Variants in FBXL17 observed in about 807,000 individuals in gnomAD.
FBXL17 encodes the protein F-box/LRR-repeat protein 17.
A neutral mutation model predicts 66.2 loss-of-function variants in FBXL17; 22 were observed. The observed-to-expected ratio is 0.33, with a 90% CI of 0.24 to 0.47. FBXL17 has a LOEUF of 0.47. FBXL17 is among the 20% of genes least tolerant of loss of function. FBXL17 has a pLI of 1.00. For synonymous variants in FBXL17, 474 were observed against 400.5 expected (o/e 1.18, Z -2.19); for missense variants, 878 against 948.2 (o/e 0.93, Z 0.97).
chr5:108,088,207 T>C (rs1489022835), intron 6 of FBXL17, among the ~76,000 whole-genome samples: 3 of 152,206 alleles, frequency 2.0e-5, no homozygotes, highest in Non-Finnish European at 2.9e-5. Flanking sequence ...AACTAATATA[T>C]TTAAAGGTAT....
intron 6 of FBXL17, among the ~76,000 whole-genome samples, chr5:108,132,151 T>C (rs1055512018): frequency 6.6e-6 from 1 of 152,100 alleles, no homozygotes; most frequent in Admixed American, 6.5e-5. Context: ...TAATTTTGTA[T>C]TTTTAGTAGA....
At chr5:108,058,188 T>C (rs943727799) in intron 6 of FBXL17, among the ~76,000 whole-genome samples, 1 of 152,246 alleles carries the variant, frequency 6.6e-6, no homozygotes, top group African/African-American at 2.4e-5. Flanking sequence ...CAGTTTGTTT[T>C]ACCATTTGAC....
chr5:107,923,300 TAC>T (rs1750384856), intron 7 of FBXL17, among the ~76,000 whole-genome samples: 2 of 152,304 alleles, frequency 1.3e-5, no homozygotes, highest in South Asian at 4.1e-4. Flanking sequence ...TTGCCTCCAA[TAC>T]ACTCTGCCTG....
At chr5:108,206,397 C>A (rs1219303059) in intron 5 of FBXL17, among the ~76,000 whole-genome samples, 2 of 151,990 alleles carry the variant, frequency 1.3e-5, no homozygotes, top group East Asian at 3.9e-4. Context: ...ACTGACATAC[C>A]AAAGACTGCA....
At chr5:108,344,375 T>C (rs1001455221) in intron 4 of FBXL17, among the ~76,000 whole-genome samples, 1 of 152,192 alleles carries the variant, frequency 6.6e-6, no homozygotes, top group Non-Finnish European at 1.5e-5. Flanking sequence ...GGAAATCAAC[T>C]TTCCATTTCC....
At chr5:108,225,953 T>G (rs575384534) in intron 4 of FBXL17, among the ~76,000 whole-genome samples, 1 of 152,296 alleles carries the variant, frequency 6.6e-6, no homozygotes, top group South Asian at 2.1e-4. Flanking sequence ...TCTTGGTCAC[T>G]TGGTTGAGTC....
chr5:108,097,236 C>G (rs1410998953), intron 6 of FBXL17, among the ~76,000 whole-genome samples: 1 of 152,192 alleles, frequency 6.6e-6, no homozygotes, highest in Non-Finnish European at 1.5e-5. Flanking sequence ...TCACCCTCCC[C>G]ACGATTGTAA....
chr5:107,886,363 T>A (rs1328866668), intron 7 of FBXL17, among the ~76,000 whole-genome samples: 2 of 152,136 alleles, frequency 1.3e-5, no homozygotes, highest in Non-Finnish European at 2.9e-5. Context: ...TTAGTATACA[T>A]ACATCTATTT....
At chr5:108,195,465 A>G (rs1753642108) in intron 5 of FBXL17, among the ~76,000 whole-genome samples, 1 of 152,170 alleles carries the variant, frequency 6.6e-6, no homozygotes, top group Admixed American at 6.5e-5. Flanking sequence ...AATGGAATGA[A>G]GACTAGCAGG....
chr5:108,074,837 G>A (rs1226289283), intron 6 of FBXL17, among the ~76,000 whole-genome samples: 1 of 152,192 alleles, frequency 6.6e-6, no homozygotes, highest in Non-Finnish European at 1.5e-5. Flanking sequence ...TCACTGGTGA[G>A]AGCTGCAGTT....
At chr5:108,195,212 T>C (rs896535676) in intron 5 of FBXL17, among the ~76,000 whole-genome samples, 2 of 151,878 alleles carry the variant, frequency 1.3e-5, no homozygotes, top group African/African-American at 4.8e-5. Context: ...TTAAGTACTA[T>C]AGAGAAAAAT....
chr5:108,219,081 C>T lies in FBXL17; in HGVS notation c.1614+5040G>A, dbSNP rs539243690. ...TGTTTACAATTTTTGAACCTATATT[C>T]ATGAAAGATAGTGATGTTCAATTTT... On this transcript the variant is annotated intron_variant, in intron 5 of 8. Coordinates refer to ENST00000542267, the MANE Select transcript of FBXL17 (RefSeq NM_001163315.3). Among the ~76,000 whole-genome samples, 171 of 152,262 alleles carry T rather than the reference C, an allele frequency of 1.1e-3. 1 individual carries two copies. Among genetic ancestry groups the T allele is most frequent in the Non-Finnish European group, 2.0e-3 (139 of 68,012 alleles).
At chr5:108,274,223 G>A (rs1259667967) in intron 4 of FBXL17, among the ~76,000 whole-genome samples, 1 of 152,182 alleles carries the variant, frequency 6.6e-6, no homozygotes, top group African/African-American at 2.4e-5. Context: ...GCCTGGGCGT[G>A]CTACGGGAGA....
intron 6 of FBXL17, among the ~76,000 whole-genome samples, chr5:108,072,559 T>G (rs1292851420): frequency 6.6e-6 from 1 of 152,080 alleles, no homozygotes; most frequent in Non-Finnish European, 1.5e-5. Context: ...TTTAAAAAAA[T>G]TAGCCGGGCG....
chr5:107,874,401 A>T (rs1458738126), intron 8 of FBXL17, among the ~76,000 whole-genome samples: 1 of 152,240 alleles, frequency 6.6e-6, no homozygotes, highest in Non-Finnish European at 1.5e-5. Flanking sequence ...GAGTGCTTAT[A>T]GTGTGCCTGA....
chr5:108,327,583 T>TA (rs796536071), intron 4 of FBXL17, among the ~76,000 whole-genome samples: 9 of 151,028 alleles, frequency 6.0e-5, no homozygotes, highest in Non-Finnish European at 1.0e-4. Context: ...TTACTAGGAG[T>TA]AAAAAATATA....
Position 108,380,930 on chromosome 5 carries a change from G to C in FBXL17, c.762C>G (p.Pro254=). The C allele has an allele frequency of 8.2e-7, 1 of 1,221,080 alleles. No individual in the cohort carries two copies. Among genetic ancestry groups the C allele is most frequent in the East Asian group, 3.2e-5 (1 of 31,526 alleles). 75.6% of individuals were successfully genotyped at this position (1,221,080 alleles called of 1,614,324 possible). A position where few individuals can be genotyped will look rare whatever the true frequency, so the allele number is the denominator to read the frequency against. Residue 254 remains proline (P), a synonymous_variant, in exon 1 of 9, where the codon CCC becomes CCG. Transcript: ENST00000542267. ...DAGCCQAPEQ[P]PQPLCPPPSS... is the part of the protein sequence containing the mutation. ...AGGGCGGAGGGCAGAGCGGCTGCGG[G>C]GGCTGCTCCGGGGCCTGGCAGCAGC...
At chr5:108,170,652 G>A (rs1752573676) in intron 6 of FBXL17, among the ~76,000 whole-genome samples, 1 of 152,006 alleles carries the variant, frequency 6.6e-6, no homozygotes, top group South Asian at 2.1e-4. Context: ...TCCTGCCTCA[G>A]CTTCCCAAGT....
chr5:107,893,938 G>A (rs1278758539), intron 7 of FBXL17, among the ~76,000 whole-genome samples: 1 of 152,194 alleles, frequency 6.6e-6, no homozygotes, highest in Non-Finnish European at 1.5e-5. Flanking sequence ...TAGCGATATA[G>A]TTCTTTCCAA....
Sources: allele counts gnomAD v4.1 joint callset (sites outside exome capture counted in the v4.1 genomes callset), GRCh38; gene constraint gnomAD v4.1.1; transcripts MANE v1.5; gene names NCBI Gene and HGNC (gene_info 2026-07-23, HGNC 2026-07-21).